BANK1: variants seen among roughly 807,000 people sequenced by gnomAD.
The protein encoded by BANK1 is B-cell scaffold protein with ankyrin repeats.
In BANK1, 95 loss-of-function variants were observed where a neutral mutation model predicts 94.5. That is an observed-to-expected ratio of 1.00 (90% CI 0.85 to 1.19). The LOEUF (loss-of-function observed/expected upper bound fraction) is 1.19, where lower values mean the gene tolerates loss of function less well. Among genes scored for constraint, BANK1 ranks in the 50% most tolerant of loss-of-function variants. The pLI is 0.00. For missense variants in BANK1, 987 were observed against 932.2 expected (o/e 1.06, Z -0.77); for synonymous variants, 334 against 308.4 (o/e 1.08, Z -0.87).
rs115119117 is a variant in BANK1 at position 102,046,928 on chromosome 4, A to G, written c.1969+3021A>G. On this transcript the variant is annotated intron_variant, in intron 11 of 16. Coordinates refer to ENST00000322953, the MANE Select transcript of BANK1 (RefSeq NM_017935.5). Reference sequence around the variant, plus strand: ...TGCCCATGATAATGAATGTGTACATACAGGCCCATCTTTGAAATAACTTCA... The same window carrying G: ...TGCCCATGATAATGAATGTGTACATGCAGGCCCATCTTTGAAATAACTTCA... Among the ~76,000 whole-genome samples the G allele has an allele frequency of 8.0e-3, 1,211 of 152,270 alleles. 19 individuals carry two copies. Among genetic ancestry groups the G allele is most frequent in the African/African-American group, 0.028 (1,151 of 41,566 alleles).
At chr4:101,985,883 T>C (rs981452457) in intron 7 of BANK1, among the ~76,000 whole-genome samples, 3 of 152,142 alleles carry the variant, frequency 2.0e-5, no homozygotes, top group Admixed American at 2.0e-4. Flanking sequence ...GATTTATATT[T>C]TGTCAGATTT....
At position 101,928,551 on chromosome 4, in the gene BANK1, A is replaced by G. The variant is rs1215241790; in HGVS notation, c.1206+10362A>G. On this transcript the variant is annotated intron_variant, in intron 7 of 16. Coordinates refer to ENST00000322953, the MANE Select transcript of BANK1 (RefSeq NM_017935.5). ...ACACTTCTCCCTTTGTTAGTGTTTA[A>G]TTTTCTTTTCTCAGTACTGCCGAGT... Among the ~76,000 whole-genome samples, 5 of 151,658 alleles carry G rather than the reference A, an allele frequency of 3.3e-5. No homozygotes were observed. In the South Asian group the frequency reaches 1.0e-3, roughly 31 times the overall value.
At chr4:101,806,232 A>G (rs1725547999) in intron 1 of BANK1, among the ~76,000 whole-genome samples, 1 of 152,118 alleles carries the variant, frequency 6.6e-6, no homozygotes, top group Admixed American at 6.6e-5. Flanking sequence ...TAGCTTTAAT[A>G]TATTTAATAT....
At chr4:101,836,044 T>C (rs1178877789) in intron 2 of BANK1, among the ~76,000 whole-genome samples, 1 of 152,170 alleles carries the variant, frequency 6.6e-6, no homozygotes, top group Non-Finnish European at 1.5e-5. Context: ...CGTTTCTGCT[T>C]GAAAAATATT....
At chr4:101,915,451 C>T (rs1405928225) in intron 6 of BANK1, among the ~76,000 whole-genome samples, 1 of 151,946 alleles carries the variant, frequency 6.6e-6, no homozygotes, top group African/African-American at 2.4e-5. Context: ...AATTAAGACT[C>T]ATTTGAATAT....
chr4:102,042,648 A>G (rs1285081056), intron 10 of BANK1, among the ~76,000 whole-genome samples: 1 of 152,062 alleles, frequency 6.6e-6, no homozygotes, highest in African/African-American at 2.4e-5. Context: ...ACAGAAATCT[A>G]GGATAACTGT....
intron 6 of BANK1, among the ~76,000 whole-genome samples, chr4:101,902,257 A>C (rs1280267336): frequency 1.3e-5 from 2 of 152,338 alleles, no homozygotes; most frequent in East Asian, 3.9e-4. Flanking sequence ...GACTATAAGA[A>C]ATTATCTTCC....
intron 1 of BANK1, among the ~76,000 whole-genome samples, chr4:101,802,493 A>G (rs1012906476): frequency 3.9e-5 from 6 of 152,194 alleles, no homozygotes; most frequent in Non-Finnish European, 7.4e-5. Context: ...TGGAAAGAAA[A>G]CGGGCTGCTT....
intron 3 of BANK1, among the ~76,000 whole-genome samples, chr4:101,861,671 ATG>A (rs144912145): frequency 2.7e-5 from 4 of 150,424 alleles, no homozygotes; most frequent in Non-Finnish European, 1.5e-5. Context: ...TGGTATGTGT[ATG>A]TGTGTGTGTG....
intron 2 of BANK1, among the ~76,000 whole-genome samples, chr4:101,851,013 GAA>G (rs1727455514): frequency 1.3e-5 from 2 of 152,118 alleles, no homozygotes; most frequent in South Asian, 4.1e-4. Flanking sequence ...TCAAGTGAAA[GAA>G]AGAGTCACAC....
intron 11 of BANK1, among the ~76,000 whole-genome samples, chr4:102,052,809 A>G (rs1433194176): frequency 6.6e-6 from 1 of 152,242 alleles, no homozygotes; most frequent in East Asian, 1.9e-4. Context: ...AAATGTCAGA[A>G]AAGTTTGAAC....
chr4:101,944,397 G>GGAT (rs1217719065), intron 7 of BANK1, among the ~76,000 whole-genome samples: 5 of 151,774 alleles, frequency 3.3e-5, no homozygotes, highest in Non-Finnish European at 7.4e-5. Flanking sequence ...ATGGGCCTTA[G>GGAT]GATGTTCACC....
At chr4:101,817,055 T>C (rs1448162322) in intron 1 of BANK1, among the ~76,000 whole-genome samples, 2 of 152,254 alleles carry the variant, frequency 1.3e-5, no homozygotes, top group Non-Finnish European at 1.5e-5. Context: ...GACTGTGTAG[T>C]AGAGCCCTTT....
At chr4:101,830,325 G>A (rs1023174642) in intron 2 of BANK1, 119 bp downstream of exon 2, 2 of 808,516 alleles carry the variant, frequency 2.5e-6, no homozygotes, top group Admixed American at 6.9e-5. Flanking sequence ...AGAAAAATGA[G>A]AGCTGATTTT....
chr4:101,970,156 T>C (rs1163185049), intron 7 of BANK1, among the ~76,000 whole-genome samples: 1 of 152,160 alleles, frequency 6.6e-6, no homozygotes, highest in Non-Finnish European at 1.5e-5. Context: ...GAACTTTTTA[T>C]TGAATTCCTT....
rs184559529 is a variant in BANK1, at chr4:101,918,114, G to A, written c.1131G>A (p.Met377Ile). 1 of 1,612,098 alleles carries A rather than the reference G, an allele frequency of 6.2e-7. No homozygotes were observed. The highest frequency in any genetic ancestry group is 8.5e-7 in the Non-Finnish European group (1 of 1,178,790). The change falls in exon 7 of 17, where the codon ATG becomes ATA. Residue 377 changes from methionine (M) to isoleucine (I), a missense_variant. By Grantham distance (10) the Met-to-Ile change is conservative. Transcript: ENST00000322953. ...CCTGGGCATCTAAGATGAAAAATAT[G>A]GAGGGTTCAGACCCCGCACATATTG... is the stretch of plus-strand genomic sequence containing the variant. ...GATWASKMKNMEGSDPAHIAE... is the reference protein window; with the variant it reads ...GATWASKMKNIEGSDPAHIAE...
intron 6 of BANK1, among the ~76,000 whole-genome samples, chr4:101,902,672 C>T (rs765244783): frequency 2.4e-4 from 37 of 152,078 alleles, no homozygotes; most frequent in Non-Finnish European, 4.6e-4. Context: ...ATTTATTGAG[C>T]CTTGCTTTAA....
At chr4:101,841,794 G>A (rs1727056176) in intron 2 of BANK1, among the ~76,000 whole-genome samples, 1 of 95,990 alleles carries the variant, frequency 1.0e-5, no homozygotes, top group South Asian at 3.5e-4. Flanking sequence ...CCCCACAACA[G>A]TCCCCAGAGT....
At chr4:101,965,550 GCATCTTGGCTAAGACA>G (rs1350646122) in intron 7 of BANK1, among the ~76,000 whole-genome samples, 13 of 152,020 alleles carry the variant, frequency 8.6e-5, no homozygotes, top group Non-Finnish European at 1.2e-4. Context: ...TTACAAAACA[GCATCTTGGCTAAGACA>G]CTGAAAAAAC....
Sources: gnomAD v4.1 joint callset for allele counts (sites outside exome capture counted in the v4.1 genomes callset) on GRCh38, gnomAD v4.1.1 for gene constraint, MANE v1.5 for transcripts, NCBI Gene and HGNC (gene_info 2026-07-23, HGNC 2026-07-21) for gene names.